Variants in DACH2 observed in about 807,000 individuals in gnomAD.
DACH2 encodes dachshund family transcription factor 2.
Under a neutral mutation model 35.8 loss-of-function variants are expected in DACH2, and 17 were observed. The ratio of observed to expected loss-of-function variants is 0.48; its 90% CI spans 0.33 to 0.71. DACH2 has a LOEUF of 0.71. DACH2 is among the 30% of genes least tolerant of loss of function. DACH2 has a pLI of 0.02. For missense variants in DACH2, 469 were observed against 472.7 expected, an observed-to-expected ratio of 0.99 and a Z score of 0.07; for synonymous variants, 195 against 177.3, an observed-to-expected ratio of 1.10 and a Z score of -0.79.
At chrX:86,245,795 C>A (rs1011119424) in intron 1 of DACH2, among the ~76,000 whole-genome samples, 6 of 111,912 alleles carry the variant, frequency 5.4e-5, no homozygotes, top group African/African-American at 1.9e-4. Flanking sequence ...AGCAACCACA[C>A]TAACTCTCCA....
intron 1 of DACH2, among the ~76,000 whole-genome samples, chrX:86,221,759 T>G (rs895241279): frequency 4.5e-5 from 5 of 112,291 alleles, no homozygotes; most frequent in Admixed American, 3.8e-4. Flanking sequence ...TTGCTAGGGC[T>G]GCCTTAACAA....
intron 1 of DACH2, among the ~76,000 whole-genome samples, chrX:86,225,272 A>G (rs1186442989): frequency 1.8e-5 from 2 of 111,311 alleles, no homozygotes; most frequent in Admixed American, 9.6e-5. Context: ...TTTTGTTTCA[A>G]TTCAAATTCA....
chrX:86,631,365 C>T (rs2040199130), intron 3 of DACH2, among the ~76,000 whole-genome samples: 1 of 111,802 alleles, frequency 8.9e-6, no homozygotes, highest in Non-Finnish European at 1.9e-5. Context: ...AAATTGTTTC[C>T]AGTAGATTCA....
chrX:86,424,543 T>G (rs1284600905), intron 2 of DACH2, among the ~76,000 whole-genome samples: 1 of 111,840 alleles, frequency 8.9e-6, no homozygotes. Flanking sequence ...CCTGCCAACT[T>G]ACTGAATTTT....
rs190737076 is a variant in DACH2, at chrX:86,285,622, G to A, written c.489-91202G>A. Among the ~76,000 whole-genome samples the A allele has an allele frequency of 2.4e-3, 272 of 111,740 alleles. 2 individuals are homozygous for A. Among genetic ancestry groups the A allele is most frequent in the Non-Finnish European group, 3.8e-3 (204 of 53,136 alleles). Reference sequence around the variant, plus strand: ...ACAATGATCCACATGCTGAGTAGAGGAATGTGCATTCTGCAGCAGTAGGAT... The same window carrying A: ...ACAATGATCCACATGCTGAGTAGAGAAATGTGCATTCTGCAGCAGTAGGAT... On this transcript the variant is annotated intron_variant, in intron 1 of 11. Transcript: ENST00000373125.
At chrX:86,552,517 G>A (rs1433548368) in intron 3 of DACH2, among the ~76,000 whole-genome samples, 1 of 112,070 alleles carries the variant, frequency 8.9e-6, no homozygotes, top group African/African-American at 3.2e-5. Context: ...CCTCTTCTTA[G>A]GGAAGATTAA....
intron 2 of DACH2, among the ~76,000 whole-genome samples, chrX:86,391,371 T>C (rs746945779): frequency 5.7e-5 from 6 of 105,037 alleles, no homozygotes; most frequent in Non-Finnish European, 9.7e-5. Flanking sequence ...ACCAAAAGTC[T>C]AGACAATACG....
At chrX:86,629,704 G>T (rs1432103613) in intron 3 of DACH2, among the ~76,000 whole-genome samples, 1 of 105,732 alleles carries the variant, frequency 9.5e-6, no homozygotes, top group Non-Finnish European at 1.9e-5. Flanking sequence ...GCAATATGGT[G>T]AAACCCTATC....
At position 86,273,700 on chromosome X, in the gene DACH2, T is replaced by C. The variant is rs2033856074; in HGVS notation, c.489-103124T>C. On this transcript the variant is annotated intron_variant, in intron 1 of 11. Coordinates refer to ENST00000373125, the MANE Select transcript of DACH2 (RefSeq NM_053281.3). ...GATGATTTTTGAGAGATCTATAGTATTATGGTTTTGTGGGGAATAAAAATC... is the reference window on the plus strand; with the variant it reads ...GATGATTTTTGAGAGATCTATAGTACTATGGTTTTGTGGGGAATAAAAATC... Among the ~76,000 whole-genome samples the C allele has an allele frequency of 2.7e-5, 3 of 112,319 alleles. No homozygotes were observed. In the Admixed American group the frequency reaches 2.8e-4, roughly 11 times the overall value.
chrX:86,698,521 G>GTGTTTTTTTTT (rs2041096546), intron 5 of DACH2, among the ~76,000 whole-genome samples: 1 of 32,955 alleles, frequency 3.0e-5, no homozygotes, highest in African/African-American at 1.5e-4. Flanking sequence ...TTAGTTTTGT[G>GTGTTTTTTTTT]TTTTTTTTTT....
intron 3 of DACH2, among the ~76,000 whole-genome samples, chrX:86,517,904 G>A (rs947199681): frequency 9.0e-6 from 1 of 111,504 alleles, no homozygotes; most frequent in African/African-American, 3.3e-5. Flanking sequence ...AGTTTAATTA[G>A]ATCCCACTTG....
chrX:86,290,582 C>A (rs1414792035), intron 1 of DACH2, among the ~76,000 whole-genome samples: 14 of 109,049 alleles, frequency 1.3e-4, no homozygotes, highest in Admixed American at 3.0e-4. Context: ...TTTAATACAT[C>A]TTGAATTGAT....
At chrX:86,449,979 C>G (rs1277970309) in intron 2 of DACH2, among the ~76,000 whole-genome samples, 1 of 111,426 alleles carries the variant, frequency 9.0e-6, no homozygotes, top group Non-Finnish European at 1.9e-5. Context: ...GAATTTTATA[C>G]TTTCAAATGA....
At chrX:86,491,162 A>G (rs1159001192) in intron 2 of DACH2, among the ~76,000 whole-genome samples, 1 of 112,121 alleles carries the variant, frequency 8.9e-6, no homozygotes, top group Non-Finnish European at 1.9e-5. Context: ...AAATAAAACT[A>G]TAGCCTAAAA....
chrX:86,195,455 C>T lies in DACH2; in HGVS notation c.488+46347C>T, dbSNP rs939913040. Among the ~76,000 whole-genome samples, 8 of 111,138 alleles carry T rather than the reference C, an allele frequency of 7.2e-5. No homozygotes were observed. The South Asian group carries it at 1.6e-3, about 22-fold the overall frequency. On this transcript the variant is annotated intron_variant, in intron 1 of 11. Coordinates refer to ENST00000373125, the MANE Select transcript of DACH2 (RefSeq NM_053281.3). The stretch of plus-strand genomic sequence containing the variant: ...GTCCCTGTTCCAACACCACTACCAG[C>T]GTGACCTCACACACAGTTGCCAGCA...
chrX:86,717,355 A>T (rs991060787), intron 6 of DACH2, among the ~76,000 whole-genome samples: 2 of 111,189 alleles, frequency 1.8e-5, no homozygotes, highest in East Asian at 5.6e-4. Flanking sequence ...CTGACTTGTT[A>T]TGCTTAAGAT....
chrX:86,687,217 T>C (rs1453090528), intron 4 of DACH2, among the ~76,000 whole-genome samples: 1 of 111,471 alleles, frequency 9.0e-6, no homozygotes, highest in Non-Finnish European at 1.9e-5. Context: ...ATTTGTTTGA[T>C]TTTTTTCATT....
intron 4 of DACH2, among the ~76,000 whole-genome samples, chrX:86,666,912 T>G (rs1402334127): frequency 1.8e-5 from 2 of 109,731 alleles, no homozygotes; most frequent in African/African-American, 3.3e-5. Context: ...TAGAAAACAC[T>G]GAGTTGCTGT....
At chrX:86,428,717 A>G in intron 2 of DACH2, among the ~76,000 whole-genome samples, 1 of 110,295 alleles carries the variant, frequency 9.1e-6, no homozygotes, top group South Asian at 3.8e-4. Flanking sequence ...ACAAGACTAT[A>G]CCATATGTTA....
Sources: allele counts gnomAD v4.1 joint callset (sites outside exome capture counted in the v4.1 genomes callset), GRCh38; gene constraint gnomAD v4.1.1; transcripts MANE v1.5; gene names NCBI Gene and HGNC (gene_info 2026-07-23, HGNC 2026-07-21).